The following SPRR2B variants were observed in gnomAD, a reference collection of about 807,000 sequenced individuals.
The protein encoded by SPRR2B is small proline-rich protein 2B.
Under a neutral mutation model 1.0 loss-of-function variants are expected in SPRR2B, and 1 was observed. The ratio of observed to expected loss-of-function variants is 1.01; its 90% CI spans 0.36 to 4.77. SPRR2B has a LOEUF of 4.77. SPRR2B is among the 30% of genes most tolerant of loss of function. SPRR2B has a pLI of 0.16. For missense variants in SPRR2B, 53 were observed against 88.7 expected (o/e 0.60, Z 1.62); for synonymous variants, 27 against 33.4 (o/e 0.81, Z 0.66).
At chr1:153,073,222 T>A (rs1477663771), upstream of SPRR2B, among the ~76,000 whole-genome samples, 1 of 152,196 alleles carries the variant, frequency 6.6e-6, no homozygotes, top group Non-Finnish European at 1.5e-5. Flanking sequence ...TCCAGGTGTT[T>A]ACAAACAGTG....
rs1202906584 is a variant in SPRR2B at position 153,070,460 on chromosome 1, C to A, written c.*161G>T. On this transcript the variant is annotated 3_prime_UTR_variant, in exon 2 of 2. Coordinates refer to ENST00000368755, the MANE Select transcript of SPRR2B (RefSeq NM_001388198.1). The stretch of plus-strand genomic sequence containing the variant: ...AGTATGGCAGCCTTAGAAAGGAAAC[C>A]TTTTGCTATCAGGGAACATCATGGG... 23 of 1,358,708 alleles carry A rather than the reference C, an allele frequency of 1.7e-5. No homozygotes were observed. The highest frequency in any genetic ancestry group is 2.3e-5 in the Non-Finnish European group (23 of 1,009,692). 84.2% of individuals were successfully genotyped at this position (1,358,708 alleles called of 1,614,324 possible). A position where few individuals can be genotyped will look rare whatever the true frequency, so the allele number is the denominator to read the frequency against.
the SPRR2B span, among the ~76,000 whole-genome samples, chr1:153,077,121 T>A: frequency 1.3e-5 from 2 of 152,202 alleles, no homozygotes; most frequent in Non-Finnish European, 2.9e-5. Context: ...TGAATGATCA[T>A]ATCTAAGAAA....
the SPRR2B span, among the ~76,000 whole-genome samples, chr1:153,083,971 TC>T: frequency 6.6e-6 from 1 of 152,160 alleles, no homozygotes; most frequent in Admixed American, 6.5e-5. Context: ...ATCTTGCCTT[TC>T]AGATGGGGCC....
the SPRR2B span, among the ~76,000 whole-genome samples, chr1:153,084,806 G>C: frequency 1.8e-4 from 28 of 152,318 alleles, no homozygotes; most frequent in African/African-American, 6.7e-4. Flanking sequence ...GGGTCAGGGA[G>C]CACCTCAGCC....
chr1:153,084,392 G>T, the SPRR2B span, among the ~76,000 whole-genome samples: 1 of 152,040 alleles, frequency 6.6e-6, no homozygotes, highest in Non-Finnish European at 1.5e-5. Flanking sequence ...TCATGCCAAT[G>T]TATACCCTTG....
the SPRR2B span, among the ~76,000 whole-genome samples, chr1:153,083,356 C>T: frequency 6.6e-6 from 1 of 152,112 alleles, no homozygotes; most frequent in Non-Finnish European, 1.5e-5. Flanking sequence ...ATACAAAAGC[C>T]AGACAAAGAC....
At chr1:153,077,866 C>T in the SPRR2B span, among the ~76,000 whole-genome samples, 13 of 152,162 alleles carry the variant, frequency 8.5e-5, no homozygotes, top group Admixed American at 6.5e-4. Context: ...TGGAGTTAAA[C>T]GGGTGTTAAT....
the SPRR2B span, among the ~76,000 whole-genome samples, chr1:153,078,548 G>A: frequency 7.5e-5 from 11 of 147,592 alleles, no homozygotes; most frequent in African/African-American, 1.5e-4. Flanking sequence ...AGTGTGTGAC[G>A]TTCCCCTTCC....
the SPRR2B span, among the ~76,000 whole-genome samples, chr1:153,086,658 A>G: frequency 6.6e-6 from 1 of 152,232 alleles, no homozygotes; most frequent in African/African-American, 2.4e-5. Flanking sequence ...CAAGGACTGT[A>G]TTAGACACAT....
the SPRR2B span, among the ~76,000 whole-genome samples, chr1:153,087,075 G>T: frequency 2.0e-5 from 3 of 151,942 alleles, no homozygotes; most frequent in African/African-American, 7.3e-5. Context: ...TGTTAAGAGG[G>T]AAATTTATAG....
chr1:153,078,686 C>A, the SPRR2B span, among the ~76,000 whole-genome samples: 1 of 152,202 alleles, frequency 6.6e-6, no homozygotes, highest in South Asian at 2.1e-4. Flanking sequence ...CTACAAAGGA[C>A]ATGAACTCAT....
the SPRR2B span, among the ~76,000 whole-genome samples, chr1:153,081,195 G>A: frequency 6.6e-6 from 1 of 152,120 alleles, no homozygotes; most frequent in Admixed American, 6.5e-5. Flanking sequence ...AGAGGGAAGT[G>A]AATCTTCATA....
the SPRR2B span, among the ~76,000 whole-genome samples, chr1:153,077,450 T>C: frequency 3.9e-5 from 6 of 152,304 alleles, no homozygotes; most frequent in Admixed American, 1.3e-4. Flanking sequence ...CTGGCATTGT[T>C]GAAATTTTAG....
chr1:153,083,050 T>C, the SPRR2B span, among the ~76,000 whole-genome samples: 1 of 152,110 alleles, frequency 6.6e-6, no homozygotes, highest in Non-Finnish European at 1.5e-5. Flanking sequence ...AATAAAAAAA[T>C]TTGAAGAGAA....
At chr1:153,078,830 G>A in the SPRR2B span, among the ~76,000 whole-genome samples, 2 of 152,182 alleles carry the variant, frequency 1.3e-5, no homozygotes, top group Non-Finnish European at 2.9e-5. Flanking sequence ...ACATATGTGT[G>A]CATTTGTCTT....
the SPRR2B span, among the ~76,000 whole-genome samples, chr1:153,082,181 G>A: frequency 3.9e-5 from 6 of 152,064 alleles, no homozygotes; most frequent in Non-Finnish European, 7.4e-5. Flanking sequence ...AAGATAAAAG[G>A]CAATAAAATA....
the SPRR2B span, among the ~76,000 whole-genome samples, chr1:153,087,500 CTAGT>C: frequency 3.9e-5 from 6 of 151,948 alleles, no homozygotes; most frequent in African/African-American, 1.5e-4. Context: ...AAGTAGACTA[CTAGT>C]TAGACTAATA....
At chr1:153,087,495 GACT>G in the SPRR2B span, among the ~76,000 whole-genome samples, 1 of 151,928 alleles carries the variant, frequency 6.6e-6, no homozygotes, top group East Asian at 1.9e-4. Flanking sequence ...GAACTAAGTA[GACT>G]ACTAGTTAGA....
chr1:153,080,710 TA>T, the SPRR2B span, among the ~76,000 whole-genome samples: 96 of 152,130 alleles, frequency 6.3e-4, no homozygotes, highest in African/African-American at 1.9e-3. Flanking sequence ...ATAAACACTA[TA>T]AAAAAATACA....
Sources: gnomAD v4.1 joint callset for allele counts (sites outside exome capture counted in the v4.1 genomes callset) on GRCh38, gnomAD v4.1.1 for gene constraint, MANE v1.5 for transcripts, NCBI Gene and HGNC (gene_info 2026-07-23, HGNC 2026-07-21) for gene names.